NALF1: variants seen among roughly 807,000 people sequenced by gnomAD.
NALF1 encodes the protein NALCN channel auxiliary factor 1.
A neutral mutation model predicts 48.4 loss-of-function variants in NALF1; 3 were observed. That is an observed-to-expected ratio of 0.06 (90% CI 0.03 to 0.16). The LOEUF is 0.16. NALF1 is among the 10% of genes least tolerant of loss of function. The pLI is 1.00. For synonymous variants in NALF1, 262 were observed against 245.7 expected (o/e 1.07, Z -0.62); for missense variants, 526 against 571.5 (o/e 0.92, Z 0.81).
At chr13:107,602,990 CAT>C (rs964964370) in intron 1 of NALF1, among the ~76,000 whole-genome samples, 10 of 152,174 alleles carry the variant, frequency 6.6e-5, no homozygotes, top group African/African-American at 2.4e-4. Flanking sequence ...GCTCTCTTAA[CAT>C]AGACAGACTC....
Position 107,218,517 on chromosome 13 carries a change from CAA to C in NALF1, c.916-7764_916-7763del, listed in dbSNP as rs547743262. Among the ~76,000 whole-genome samples the C allele has an allele frequency of 5.9e-3, 904 of 152,292 alleles. 4 individuals carry two copies. Among genetic ancestry groups the C allele is most frequent in the African/African-American group, 0.021 (873 of 41,552 alleles). On this transcript the variant is annotated intron_variant, in intron 1 of 2. Coordinates refer to ENST00000375915, the MANE Select transcript of NALF1 (RefSeq NM_001080396.3). ...TGAGATCCTGCCCAGAGCAGAGACT[CAA>C]ACCAGGAACCCTGATGAGCCCCCAA...
At chr13:107,618,053 G>T (rs1879427531) in intron 1 of NALF1, among the ~76,000 whole-genome samples, 1 of 152,048 alleles carries the variant, frequency 6.6e-6, no homozygotes, top group Admixed American at 6.6e-5. Context: ...ATTAGAAAAA[G>T]AACACAAATG....
chr13:107,797,591 A>G (rs1001892589), intron 1 of NALF1, among the ~76,000 whole-genome samples: 2 of 152,238 alleles, frequency 1.3e-5, no homozygotes, highest in African/African-American at 4.8e-5. Flanking sequence ...TGTACGATAC[A>G]TGAGTCAGTG....
intron 2 of NALF1, among the ~76,000 whole-genome samples, chr13:107,178,620 C>G (rs1878989964): frequency 6.6e-6 from 1 of 152,098 alleles, no homozygotes. Flanking sequence ...AGTACAGTCA[C>G]TATGGAGAAA....
chr13:107,326,336 C>A (rs1420246978), intron 1 of NALF1, among the ~76,000 whole-genome samples: 1 of 152,022 alleles, frequency 6.6e-6, no homozygotes, highest in Admixed American at 6.6e-5. Flanking sequence ...CAGAGCTTCT[C>A]GGGCATTCCT....
At chr13:107,859,816 G>A (rs942847496) in intron 1 of NALF1, among the ~76,000 whole-genome samples, 5 of 150,180 alleles carry the variant, frequency 3.3e-5, no homozygotes, top group African/African-American at 1.2e-4. Flanking sequence ...TCAGGAGACT[G>A]AGGCAGGAGA....
At chr13:107,600,215 G>T (rs1266998186) in intron 1 of NALF1, among the ~76,000 whole-genome samples, 1 of 152,172 alleles carries the variant, frequency 6.6e-6, no homozygotes, top group African/African-American at 2.4e-5. Context: ...CAGCAATGCA[G>T]CAATAAAATT....
intron 1 of NALF1, among the ~76,000 whole-genome samples, chr13:107,397,481 T>C (rs1043552735): frequency 6.6e-6 from 1 of 152,146 alleles, no homozygotes; most frequent in Non-Finnish European, 1.5e-5. Flanking sequence ...GAATTACATA[T>C]ACTATCAACC....
chr13:107,675,994 G>T (rs1881110645), intron 1 of NALF1, among the ~76,000 whole-genome samples: 1 of 152,066 alleles, frequency 6.6e-6, no homozygotes, highest in Non-Finnish European at 1.5e-5. Context: ...AGAATTCCAA[G>T]GCTTGTGAAA....
intron 1 of NALF1, among the ~76,000 whole-genome samples, chr13:107,487,703 G>A (rs923038908): frequency 2.0e-5 from 3 of 152,108 alleles, no homozygotes; most frequent in Admixed American, 2.0e-4. Flanking sequence ...GAGGATTTTT[G>A]CGTTAATTTT....
intron 1 of NALF1, among the ~76,000 whole-genome samples, chr13:107,357,353 G>A (rs1020495772): frequency 8.5e-5 from 13 of 152,122 alleles, no homozygotes; most frequent in African/African-American, 3.1e-4. Context: ...AGAACAGCAT[G>A]AGGGAAACTG....
At chr13:107,297,621 A>G (rs1881750112) in intron 1 of NALF1, among the ~76,000 whole-genome samples, 1 of 152,226 alleles carries the variant, frequency 6.6e-6, no homozygotes, top group Admixed American at 6.5e-5. Context: ...TTTTGGAGAA[A>G]GACAATGACT....
chr13:107,477,131 G>A lies in NALF1; in HGVS notation c.916-266376C>T, dbSNP rs555760079. Among the ~76,000 whole-genome samples the A allele has an allele frequency of 3.3e-5, 5 of 152,198 alleles. No homozygotes were observed. The South Asian group carries it at 1.0e-3, about 32-fold the overall frequency. On this transcript the variant is annotated intron_variant, in intron 1 of 2. Coordinates refer to ENST00000375915, the MANE Select transcript of NALF1 (RefSeq NM_001080396.3). ...ACACTTGAACTTTCAATAACTTACT[G>A]TGAACTGAGACCTCAAGGAGTCCCA...
chr13:107,300,383 G>C (rs899475154), intron 1 of NALF1, among the ~76,000 whole-genome samples: 2 of 152,124 alleles, frequency 1.3e-5, no homozygotes, highest in African/African-American at 4.8e-5. Context: ...TCAGGCCCAA[G>C]ATTTAATCAG....
chr13:107,356,825 C>A (rs1378777205), intron 1 of NALF1, among the ~76,000 whole-genome samples: 6 of 152,210 alleles, frequency 3.9e-5, no homozygotes, highest in Admixed American at 3.9e-4. Context: ...TCAACCAGGA[C>A]CAACACATTT....
chr13:107,589,112 T>C (rs1005393669), intron 1 of NALF1, among the ~76,000 whole-genome samples: 3 of 152,062 alleles, frequency 2.0e-5, no homozygotes, highest in African/African-American at 7.2e-5. Context: ...GCGTATACAA[T>C]GAATTCTCAA....
chr13:107,338,246 A>C (rs1882597229), intron 1 of NALF1, among the ~76,000 whole-genome samples: 2 of 152,138 alleles, frequency 1.3e-5, no homozygotes, highest in Admixed American at 1.3e-4. Flanking sequence ...TAATTCTTAC[A>C]ATCCCCATGG....
chr13:107,733,541 T>A (rs1339363395), intron 1 of NALF1, among the ~76,000 whole-genome samples: 1 of 152,080 alleles, frequency 6.6e-6, no homozygotes, highest in Admixed American at 6.6e-5. Context: ...AAAACAAAAT[T>A]ATACAAATAG....
At chr13:107,656,624 G>C (rs929180265) in intron 1 of NALF1, among the ~76,000 whole-genome samples, 1 of 152,136 alleles carries the variant, frequency 6.6e-6, no homozygotes, top group African/African-American at 2.4e-5. Flanking sequence ...ACTAAAAGTA[G>C]ATCTACCTTT....
Sources: allele counts gnomAD v4.1 joint callset (sites outside exome capture counted in the v4.1 genomes callset), GRCh38; gene constraint gnomAD v4.1.1; transcripts MANE v1.5; gene names NCBI Gene and HGNC (gene_info 2026-07-23, HGNC 2026-07-21).